FBXL2: variants seen among roughly 807,000 people sequenced by gnomAD.
FBXL2 encodes the protein F-box/LRR-repeat protein 2.
Under a neutral mutation model 69.2 loss-of-function variants are expected in FBXL2, and 38 were observed. The ratio of observed to expected loss-of-function variants is 0.55; its 90% CI spans 0.42 to 0.72. The LOEUF (loss-of-function observed/expected upper bound fraction) is 0.72. Among genes scored for constraint, FBXL2 ranks in the 30% least tolerant of loss-of-function variants. The pLI is 0.00. For missense variants in FBXL2, 354 were observed against 520.3 expected (o/e 0.68, Z 3.11); for synonymous variants, 192 against 201.3 (o/e 0.95, Z 0.39).
chr3:33,335,125 G>T (rs1318917598), intron 2 of FBXL2, among the ~76,000 whole-genome samples: 1 of 150,622 alleles, frequency 6.6e-6, no homozygotes, highest in Non-Finnish European at 1.5e-5. Context: ...ATAATAAGAA[G>T]AAGAATACTC....
intron 2 of FBXL2, among the ~76,000 whole-genome samples, chr3:33,307,554 ACT>A (rs1045276012): frequency 1.3e-5 from 2 of 152,106 alleles, no homozygotes; most frequent in African/African-American, 4.8e-5. Flanking sequence ...GTAATATATT[ACT>A]GTTAATTTCC....
At chr3:33,303,281 C>G (rs1206298483) in intron 2 of FBXL2, 1 of 428,688 alleles carries the variant, frequency 2.3e-6, no homozygotes, top group Non-Finnish European at 4.7e-6. Context: ...TGTTTTTTGA[C>G]TTGTGTGTGG....
At chr3:33,334,031 A>G (rs896525513) in intron 2 of FBXL2, among the ~76,000 whole-genome samples, 7 of 152,194 alleles carry the variant, frequency 4.6e-5, no homozygotes, top group African/African-American at 1.7e-4. Context: ...TAGAAGGATT[A>G]CAAATGAGCA....
intron 1 of FBXL2, among the ~76,000 whole-genome samples, chr3:33,281,868 C>T (rs565398163): frequency 1.1e-4 from 16 of 152,222 alleles, no homozygotes; most frequent in Non-Finnish European, 1.9e-4. Flanking sequence ...TGTTCATATC[C>T]GTTGCCCAGT....
At chr3:33,396,367 C>T (rs1248855938) in intron 12 of FBXL2, 2 of 996,686 alleles carry the variant, frequency 2.0e-6, no homozygotes, top group South Asian at 2.0e-5. Flanking sequence ...AATCTAAGTT[C>T]TATTTCCTTA....
At chr3:33,382,521 T>A (rs1026630838) in intron 13 of FBXL2, 2 of 152,260 alleles carry the variant, frequency 1.3e-5, no homozygotes, top group Non-Finnish European at 2.9e-5. Flanking sequence ...TCCATATTGT[T>A]ACATGTAGTT....
chr3:33,393,004 A>C, downstream of FBXL2: 1 of 332,046 alleles, frequency 3.0e-6, no homozygotes, highest in Non-Finnish European at 5.4e-6. Flanking sequence ...CAAAAGGAAA[A>C]CACATCCAGT....
intron 2 of FBXL2, among the ~76,000 whole-genome samples, chr3:33,349,780 A>G (rs1185638608): frequency 1.3e-5 from 2 of 152,110 alleles, no homozygotes; most frequent in African/African-American, 4.8e-5. Context: ...TCTCATGTTC[A>G]CAAATTTGAT....
chr3:33,362,552 A>C (rs2041698937), intron 4 of FBXL2, among the ~76,000 whole-genome samples: 1 of 152,212 alleles, frequency 6.6e-6, no homozygotes, highest in Admixed American at 6.5e-5. Context: ...CCAGTACAAG[A>C]ACTTTGCCCC....
chr3:33,412,545 T>C, the FBXL2 span, among the ~76,000 whole-genome samples: 4 of 149,724 alleles, frequency 2.7e-5, no homozygotes, highest in Non-Finnish European at 1.5e-5. Flanking sequence ...ACTGTGCCAC[T>C]GCACTTATCC....
At chr3:33,361,582 G>C (rs956944769) in intron 4 of FBXL2, among the ~76,000 whole-genome samples, 1 of 152,094 alleles carries the variant, frequency 6.6e-6, no homozygotes, top group Non-Finnish European at 1.5e-5. Context: ...TGCATTATTT[G>C]ATTACAAGAT....
intron 2 of FBXL2, among the ~76,000 whole-genome samples, chr3:33,330,736 G>A (rs938955705): frequency 2.6e-5 from 4 of 151,986 alleles, no homozygotes; most frequent in Non-Finnish European, 5.9e-5. Flanking sequence ...AAAAAATACA[G>A]AGATTAGCCA....
chr3:33,369,123 C>T (rs1396115907), intron 5 of FBXL2, among the ~76,000 whole-genome samples: 1 of 151,440 alleles, frequency 6.6e-6, no homozygotes, highest in Non-Finnish European at 1.5e-5. Flanking sequence ...ACAATCTCGA[C>T]TCACTGCAGC....
intron 12 of FBXL2, chr3:33,397,581 CTG>C (rs2044054132): frequency 6.6e-6 from 1 of 152,526 alleles, no homozygotes; most frequent in African/African-American, 2.4e-5. Context: ...TGCCTAAAGT[CTG>C]TAAGAGTTGG....
At chr3:33,312,377 A>C (rs1395649932) in intron 2 of FBXL2, among the ~76,000 whole-genome samples, 5 of 152,198 alleles carry the variant, frequency 3.3e-5, no homozygotes, top group Non-Finnish European at 7.4e-5. Flanking sequence ...ATTATTTGTC[A>C]GGCAGTTTGT....
chr3:33,287,380 A>G (rs1445233353), intron 1 of FBXL2, among the ~76,000 whole-genome samples: 1 of 152,216 alleles, frequency 6.6e-6, no homozygotes, highest in African/African-American at 2.4e-5. Context: ...TTTCTTTTAT[A>G]GAACCCATTC....
intron 10 of FBXL2, among the ~76,000 whole-genome samples, chr3:33,376,637 T>A (rs2154050119): frequency 6.6e-6 from 1 of 152,362 alleles, no homozygotes; most frequent in Non-Finnish European, 1.5e-5. Flanking sequence ...TTAGGGTACC[T>A]GGGAATTTCC....
At chr3:33,306,850 A>G (rs2036764777) in intron 2 of FBXL2, among the ~76,000 whole-genome samples, 1 of 152,120 alleles carries the variant, frequency 6.6e-6, no homozygotes, top group Non-Finnish European at 1.5e-5. Flanking sequence ...CTTATTGTCT[A>G]CATCATTAAT....
At chr3:33,328,648 C>CAGAAAAATGAAACT (rs1283102672) in intron 2 of FBXL2, among the ~76,000 whole-genome samples, 1 of 151,982 alleles carries the variant, frequency 6.6e-6, no homozygotes, top group Non-Finnish European at 1.5e-5. Flanking sequence ...TAACCCTATC[C>CAGAAAAATGAAACT]AGAAAAATGA....
Sources: allele counts gnomAD v4.1 joint callset (sites outside exome capture counted in the v4.1 genomes callset), GRCh38; gene constraint gnomAD v4.1.1; transcripts MANE v1.5; gene names NCBI Gene and HGNC (gene_info 2026-07-23, HGNC 2026-07-21).